XKR4: variants seen among roughly 807,000 people sequenced by gnomAD.
XKR4 encodes XK related 4, also known as XK-related protein 4.
A neutral mutation model predicts 53.9 loss-of-function variants in XKR4; 12 were observed. The ratio of observed to expected loss-of-function variants is 0.22; its 90% CI spans 0.14 to 0.36. The LOEUF (loss-of-function observed/expected upper bound fraction) is 0.36. XKR4 is among the 10% of genes least tolerant of loss of function. XKR4 has a pLI of 1.00. For synonymous variants in XKR4, 354 were observed against 362.4 expected (o/e 0.98, Z 0.26); for missense variants, 799 against 859.5 (o/e 0.93, Z 0.88).
chr8:55,348,721 C>G lies in XKR4; in HGVS notation c.807-8957C>G, dbSNP rs564967052. Among the ~76,000 whole-genome samples, 1,024 of 150,122 alleles carry G rather than the reference C, an allele frequency of 6.8e-3. 6 individuals carry two copies. Among genetic ancestry groups the G allele is most frequent in the African/African-American group, 0.017 (698 of 40,684 alleles). On this transcript the variant is annotated intron_variant, in intron 1 of 2. Transcript: ENST00000327381. ...ACACACACACACACACACACACACA[C>G]AGAGAGAGAGATGATAGATAAAAGA...
intron 1 of XKR4, among the ~76,000 whole-genome samples, chr8:55,330,647 T>C (rs985945105): frequency 6.6e-6 from 1 of 152,226 alleles, no homozygotes; most frequent in Non-Finnish European, 1.5e-5. Context: ...AGCTTTCTAC[T>C]GAAATCCTAA....
intron 2 of XKR4, among the ~76,000 whole-genome samples, chr8:55,383,286 C>A (rs192656631): frequency 1.3e-5 from 2 of 152,286 alleles, no homozygotes; most frequent in Admixed American, 1.3e-4. Flanking sequence ...GCGGCCTTTG[C>A]AAAGACCTAG....
intron 1 of XKR4, among the ~76,000 whole-genome samples, chr8:55,238,003 G>T (rs1332207916): frequency 1.3e-5 from 2 of 152,068 alleles, no homozygotes; most frequent in Admixed American, 1.3e-4. Context: ...AAAAAGAAAA[G>T]AAACAAACAG....
intron 2 of XKR4, among the ~76,000 whole-genome samples, chr8:55,506,312 T>C (rs1449094710): frequency 6.6e-6 from 1 of 152,192 alleles, no homozygotes; most frequent in Admixed American, 6.5e-5. Context: ...TAGATAGGCC[T>C]GAAAGGCTCA....
At chr8:55,108,779 A>G (rs1469199360) in intron 1 of XKR4, among the ~76,000 whole-genome samples, 5 of 152,002 alleles carry the variant, frequency 3.3e-5, no homozygotes, top group Non-Finnish European at 5.9e-5. Context: ...TCTATGTTCT[A>G]TTTCTTATTT....
intron 1 of XKR4, among the ~76,000 whole-genome samples, chr8:55,172,563 A>C (rs1817177274): frequency 6.6e-6 from 1 of 152,202 alleles, no homozygotes; most frequent in Non-Finnish European, 1.5e-5. Context: ...TAAAACAAAG[A>C]CAGAGTGAAA....
At chr8:55,153,720 A>G (rs1816869041) in intron 1 of XKR4, among the ~76,000 whole-genome samples, 1 of 152,350 alleles carries the variant, frequency 6.6e-6, no homozygotes, top group Admixed American at 6.5e-5. Flanking sequence ...TTAAGTGCCC[A>G]GTGCTGATAT....
intron 1 of XKR4, among the ~76,000 whole-genome samples, chr8:55,265,610 T>C (rs902250547): frequency 1.3e-5 from 2 of 151,988 alleles, no homozygotes; most frequent in African/African-American, 4.8e-5. Flanking sequence ...TCCCAGCAAT[T>C]TGGGAGGCCA....
intron 1 of XKR4, among the ~76,000 whole-genome samples, chr8:55,227,164 T>C (rs1479911887): frequency 6.6e-6 from 1 of 152,228 alleles, no homozygotes; most frequent in African/African-American, 2.4e-5. Context: ...GTTGGTTTTC[T>C]CATCTGCGTT....
chr8:55,364,953 GT>G (rs1249043336), intron 2 of XKR4, among the ~76,000 whole-genome samples: 1 of 152,142 alleles, frequency 6.6e-6, no homozygotes, highest in African/African-American at 2.4e-5. Context: ...GTAAACTTAG[GT>G]TTGCATTACA....
In XKR4 at chr8:55,524,220, C is replaced by G; in HGVS notation, c.1946C>G (p.Thr649Ser). The change falls in exon 3 of 3, where the codon ACT (threonine) becomes AGT (serine). Residue 649 changes from threonine to serine, a missense_variant. This residue lies in a region of XKR4 where 269 missense variants were observed against 264.4 expected (regional missense o/e 1.02). Coordinates refer to ENST00000327381, the MANE Select transcript of XKR4 (RefSeq NM_052898.2). ...CAGGAGCGGTTGGAGTACGAAACCA[C>G]TTTATAAAGCAAAAGGAGTTGCAGG... The part of the protein sequence containing the change: ...LIQERLEYET[T>S]L The G allele has an allele frequency of 1.2e-6, 2 of 1,611,536 alleles. No homozygotes were observed. The highest frequency in any genetic ancestry group is 1.7e-6 in the Non-Finnish European group (2 of 1,178,416).
At chr8:55,277,704 A>T (rs1380393608) in intron 1 of XKR4, among the ~76,000 whole-genome samples, 1 of 152,210 alleles carries the variant, frequency 6.6e-6, no homozygotes, top group Non-Finnish European at 1.5e-5. Context: ...TGAATGAGAG[A>T]TGCTCAACCT....
At chr8:55,426,853 C>T (rs1283534136) in intron 2 of XKR4, among the ~76,000 whole-genome samples, 1 of 152,168 alleles carries the variant, frequency 6.6e-6, no homozygotes, top group African/African-American at 2.4e-5. Context: ...CTAGTATAGG[C>T]AACAGAATAG....
At chr8:55,166,211 A>G (rs935952746) in intron 1 of XKR4, among the ~76,000 whole-genome samples, 1 of 152,200 alleles carries the variant, frequency 6.6e-6, no homozygotes, top group African/African-American at 2.4e-5. Flanking sequence ...TGTATCTATT[A>G]TATTTGGTTA....
intron 2 of XKR4, among the ~76,000 whole-genome samples, chr8:55,410,178 C>T (rs558977278): frequency 6.6e-6 from 1 of 152,156 alleles, no homozygotes; most frequent in Non-Finnish European, 1.5e-5. Context: ...ACTCACCCCC[C>T]TTCTGGCTGC....
rs77094773 is a variant in XKR4 at position 55,209,203 on chromosome 8, A to ATGTGTGTG, written c.806+105927_806+105934dup. Among the ~76,000 whole-genome samples, 697 of 149,310 alleles carry ATGTGTGTG rather than the reference A, an allele frequency of 4.7e-3. 4 individuals are homozygous for ATGTGTGTG. Among genetic ancestry groups the ATGTGTGTG allele is most frequent in the African/African-American group, 6.8e-3 (276 of 40,360 alleles). On this transcript the variant is annotated intron_variant, in intron 1 of 2. Transcript: ENST00000327381. ...CCCAAAGAGGGAGAGCAGTGTGTTT[A>ATGTGTGTG]TGTGTGTGTGTGTGTGTGTGTGTGT...
At chr8:55,345,406 G>A (rs1270970611) in intron 1 of XKR4, among the ~76,000 whole-genome samples, 4 of 152,282 alleles carry the variant, frequency 2.6e-5, no homozygotes, top group African/African-American at 9.6e-5. Context: ...AGCTTACAAT[G>A]CCATACGCCA....
intron 1 of XKR4, among the ~76,000 whole-genome samples, chr8:55,231,098 A>G (rs925297249): frequency 2.0e-5 from 3 of 152,204 alleles, no homozygotes; most frequent in African/African-American, 4.8e-5. Flanking sequence ...TTCCGTTGCT[A>G]AAGTCTGTAT....
chr8:55,541,841 T>A lies in XKR4; in HGVS notation c.*17614T>A, dbSNP rs1807105715. 6.6e-6 allele frequency: 1 copy of A among 152,166 alleles called. No homozygotes were observed. The highest frequency in any genetic ancestry group is 2.4e-5 in the African/African-American group (1 of 41,454). The allele number at this position is 152,166 out of a possible 1,614,324, so 9.4% of individuals were successfully genotyped here. On this transcript the variant is annotated 3_prime_UTR_variant, in exon 3 of 3. Coordinates refer to ENST00000327381, the MANE Select transcript of XKR4 (RefSeq NM_052898.2). ...TGTGTCTTTATTCGCGGGAGGCCAC[T>A]GTCAGCAGGCAGTGACCCCCAGTGC...
Sources: allele counts gnomAD v4.1 joint callset (sites outside exome capture counted in the v4.1 genomes callset), GRCh38; gene constraint gnomAD v4.1.1; regional missense constraint gnomAD v4.1.1; transcripts MANE v1.5; gene names NCBI Gene and HGNC (gene_info 2026-07-23, HGNC 2026-07-21).